Variants in HSPB6 observed in about 807,000 individuals in gnomAD.
HSPB6 encodes the protein heat shock protein beta-6.
A neutral mutation model predicts 10.7 loss-of-function variants in HSPB6; 8 were observed. The ratio of observed to expected loss-of-function variants is 0.75; its 90% CI spans 0.44 to 1.35. The LOEUF is 1.35. Among genes scored for constraint, HSPB6 ranks in the 40% most tolerant of loss-of-function variants. The pLI, the probability that HSPB6 is intolerant of heterozygous loss-of-function variation, is 0.00. For missense variants in HSPB6, 232 were observed against 236.0 expected (o/e 0.98, Z 0.11); for synonymous variants, 128 against 114.2 (o/e 1.12, Z -0.77).
In HSPB6 at chr19:35,755,186, T is replaced by C. The variant is rs1239860435; in HGVS notation, c.*336A>G. On this transcript the variant is annotated 3_prime_UTR_variant, in exon 3 of 3. Coordinates refer to ENST00000004982, the MANE Select transcript of HSPB6 (RefSeq NM_144617.3). ...TCTTTGTAGAGGACTCAGAAGGAAG[T>C]AGAGGAGGGGTCTTAAGTGGGGCTA... The C allele has an allele frequency of 1.5e-5, 7 of 468,748 alleles. No homozygotes were observed. The East Asian group carries it at 3.3e-4, about 22-fold the overall frequency. The allele number at this position is 468,748 out of a possible 1,614,324, so 29.0% of individuals were successfully genotyped here.
Position 35,757,018 on chromosome 19 carries a change from C to T in HSPB6, c.-10G>A, listed in dbSNP as rs576318092. 1.6e-5 allele frequency: 24 copies of T among 1,545,908 alleles called. No individual in the cohort carries two copies. The East Asian group carries it at 5.1e-4, about 33-fold the overall frequency. On this transcript the variant is annotated 5_prime_UTR_variant, in exon 1 of 3. Coordinates refer to ENST00000004982, the MANE Select transcript of HSPB6 (RefSeq NM_144617.3). Reference sequence around the variant, plus strand: ...GCACAGGGATCTCCATCCTGCTCCTCCGCGTTGCAGTGCCCCTGCGTGCGC... The same window carrying T: ...GCACAGGGATCTCCATCCTGCTCCTTCGCGTTGCAGTGCCCCTGCGTGCGC...
rs1599740617 is a variant in HSPB6, at chr19:35,756,962, G to T, written c.47C>A (p.Ser16Ter). The change falls in exon 1 of 3, where the codon TCG becomes TAG. Residue 16 changes from serine (S) to a stop codon, truncating the protein, a stop_gained. Transcript: ENST00000004982. LOFTEE classifies it high-confidence loss of function. ...CGCCGAAAGTCCGGGCAACGGGGCC[G>T]AGGCGCGGCGCAGCCAAGACGGCTG... is the stretch of plus-strand genomic sequence containing the variant. Reference protein sequence around the residue: ...PVQPSWLRRASAPLPGLSAPG... With the variant: ...PVQPSWLRRA The T allele has an allele frequency of 6.5e-7, 1 of 1,544,996 alleles. No homozygotes were observed. The highest frequency in any genetic ancestry group is 1.4e-5 in the African/African-American group (1 of 73,142).
chr19:35,754,617 G>C lies in HSPB6; in HGVS notation c.*905C>G. ...GGAGAGTAAGCCTGGGAAAGACTAA[G>C]GGAGTGGTGGCAGGGAGAAAGGCTG... is the stretch of plus-strand genomic sequence containing the variant. On this transcript the variant is annotated 3_prime_UTR_variant, in exon 3 of 3. Coordinates refer to ENST00000004982, the MANE Select transcript of HSPB6 (RefSeq NM_144617.3). The C allele has an allele frequency of 1.3e-6, 1 of 766,280 alleles. No individual in the cohort carries two copies. The highest frequency in any genetic ancestry group is 2.2e-6 in the Non-Finnish European group (1 of 455,222). 47.5% of individuals were successfully genotyped at this position (766,280 alleles called of 1,614,324 possible). A position where few individuals can be genotyped will look rare whatever the true frequency, so the allele number is the denominator to read the frequency against.
At chr19:35,756,194 C>T (rs1970751390) in intron 1 of HSPB6, among the ~76,000 whole-genome samples, 1 of 152,118 alleles carries the variant, frequency 6.6e-6, no homozygotes, top group South Asian at 2.1e-4. Flanking sequence ...CATCGTGCCC[C>T]CCAGGGCACT....
In HSPB6 at chr19:35,756,837, G is replaced by C; in HGVS notation, c.172C>G (p.Pro58Ala). Residue 58 changes from proline to alanine, a missense_variant, in exon 1 of 3, where the codon CCC becomes GCC. Physicochemically the swap from Pro to Ala is conservative, Grantham distance 27. Coordinates refer to ENST00000004982, the MANE Select transcript of HSPB6 (RefSeq NM_144617.3). ...TGGGCGACGGGCAGCGCCACGCTGGGTGCGCGCAGGTAGTAGGGGGCGAGC... is the reference window on the plus strand; with the variant it reads ...TGGGCGACGGGCAGCGCCACGCTGGCTGCGCGCAGGTAGTAGGGGGCGAGC... The part of the protein sequence containing the change: ...TTLAPYYLRA[P>A]SVALPVAQVP... 1 of 1,536,914 alleles carries C rather than the reference G, an allele frequency of 6.5e-7. No homozygotes were observed. Among genetic ancestry groups the C allele is most frequent in the Non-Finnish European group, 8.7e-7 (1 of 1,146,574 alleles).
Position 35,755,246 on chromosome 19 carries a change from G to A in HSPB6, c.*276C>T. 1.6e-6 allele frequency: 1 copy of A among 617,082 alleles called. No individual in the cohort carries two copies. Among genetic ancestry groups the A allele is most frequent in the Non-Finnish European group, 2.9e-6 (1 of 349,458 alleles). 38.2% of individuals were successfully genotyped at this position (617,082 alleles called of 1,614,324 possible). ...AAAGTGGGTCGGTGGGGCTGAGACT[G>A]TCGGCTGAGGGTTAGGGTAGTGCTG... On this transcript the variant is annotated 3_prime_UTR_variant, in exon 3 of 3. Transcript: ENST00000004982.
Position 35,755,812 on chromosome 19 carries a change from C to A in HSPB6, c.281G>T (p.Gly94Val). The A allele has an allele frequency of 6.3e-7, 1 of 1,596,948 alleles. No individual in the cohort carries two copies. The highest frequency in any genetic ancestry group is 2.3e-5 in the East Asian group (1 of 43,886). Residue 94 changes from glycine (G) to valine (V), a missense_variant, in exon 2 of 3, where the codon GGC (glycine) becomes GTC (valine). By Grantham distance (109) the Gly-to-Val change is moderately radical. Transcript: ENST00000004982. The part of the protein sequence containing the change: ...SPEEIAVKVV[G>V]EHVEVHARHE... ...GCGCGCGTGCACCTCCACGTGTTCG[C>A]CCACCACCTTGACAGCAATTTCCTC... is the stretch of plus-strand genomic sequence containing the variant.
chr19:35,757,012 G>C lies in HSPB6; in HGVS notation c.-4C>G, dbSNP rs1970774360. The C allele has an allele frequency of 6.5e-7, 1 of 1,545,910 alleles. No individual in the cohort carries two copies. The highest frequency in any genetic ancestry group is 1.2e-5 in the South Asian group (1 of 84,048). On this transcript the variant is annotated 5_prime_UTR_variant, in exon 1 of 3. Transcript: ENST00000004982. ...GCACAGGCACAGGGATCTCCATCCTGCTCCTCCGCGTTGCAGTGCCCCTGC... is the reference window on the plus strand; with the variant it reads ...GCACAGGCACAGGGATCTCCATCCTCCTCCTCCGCGTTGCAGTGCCCCTGC...
rs757458399 is a variant in HSPB6 at position 35,755,727 on chromosome 19, G to A, written c.322-44C>T. The A allele has an allele frequency of 5.2e-5, 80 of 1,527,954 alleles. No individual in the cohort carries two copies. In the African/African-American group the frequency reaches 1.1e-3, roughly 20 times the overall value. The allele number at this position is 1,527,954 out of a possible 1,614,324, so 94.6% of individuals were successfully genotyped here. On this transcript the variant is annotated intron_variant, in intron 2 of 2. Coordinates refer to ENST00000004982, the MANE Select transcript of HSPB6 (RefSeq NM_144617.3). ...TGAGCGGCCCCGCCCCTCCGGCCCG[G>A]CGGCGAGCGTACCCGCTCCAGCCCC...
Position 35,755,902 on chromosome 19 carries a change from C to A in HSPB6, c.199-8G>T. On this transcript the variant is annotated splice_region_variant and splice_polypyrimidine_tract_variant and intron_variant, in intron 1 of 2. Transcript: ENST00000004982. ...GCCGGGGTCCGTCGGCACCTGAGCG[C>A]AGCGGGCGCGGGCGGGACTGTCATT... 6.4e-7 allele frequency: 1 copy of A among 1,557,872 alleles called. No individual in the cohort carries two copies. Among genetic ancestry groups the A allele is most frequent in the Non-Finnish European group, 8.7e-7 (1 of 1,152,304 alleles).
At chr19:35,755,744 T>TC in intron 2 of HSPB6, 28 bp downstream of exon 2, 1 of 1,550,132 alleles carries the variant, frequency 6.5e-7, no homozygotes, top group South Asian at 1.2e-5. Flanking sequence ...GCGTACCCGC[T>TC]CCAGCCCCGC....
chr19:35,754,965 G>A lies in HSPB6; in HGVS notation c.*557C>T. The A allele has an allele frequency of 6.7e-6, 2 of 300,202 alleles. No homozygotes were observed. The highest frequency in any genetic ancestry group is 6.1e-5 in the South Asian group (2 of 32,838). 18.6% of individuals were successfully genotyped at this position (300,202 alleles called of 1,614,324 possible). On this transcript the variant is annotated 3_prime_UTR_variant, in exon 3 of 3. Transcript: ENST00000004982. ...AGAAAATGGGCTGGAGGGGGCAGTTGTAGACTGTCTGGTTGCAGGGGAAGG... is the reference window on the plus strand; with the variant it reads ...AGAAAATGGGCTGGAGGGGGCAGTTATAGACTGTCTGGTTGCAGGGGAAGG...
At position 35,755,279 on chromosome 19, in the gene HSPB6, C is replaced by T. The variant is rs906552073; in HGVS notation, c.*243G>A. 6.1e-6 allele frequency: 4 copies of T among 660,138 alleles called. No homozygotes were observed. The highest frequency in any genetic ancestry group is 5.4e-6 in the Non-Finnish European group (2 of 369,036). 40.9% of individuals were successfully genotyped at this position (660,138 alleles called of 1,614,324 possible). A position where few individuals can be genotyped will look rare whatever the true frequency, so the allele number is the denominator to read the frequency against. On this transcript the variant is annotated 3_prime_UTR_variant, in exon 3 of 3. Coordinates refer to ENST00000004982, the MANE Select transcript of HSPB6 (RefSeq NM_144617.3). ...AGGGTTAGGGTAGTGCTGGTAGGGT[C>T]TGGAAGCCGGGGAGTTGTCGGTGTG... is the stretch of plus-strand genomic sequence containing the variant.
chr19:35,755,278 T>C lies in HSPB6; in HGVS notation c.*244A>G. ...GAGGGTTAGGGTAGTGCTGGTAGGG[T>C]CTGGAAGCCGGGGAGTTGTCGGTGT... On this transcript the variant is annotated 3_prime_UTR_variant, in exon 3 of 3. Transcript: ENST00000004982. 1 of 659,054 alleles carries C rather than the reference T, an allele frequency of 1.5e-6. No homozygotes were observed. The highest frequency in any genetic ancestry group is 2.7e-6 in the Non-Finnish European group (1 of 368,304). The allele number at this position is 659,054 out of a possible 1,614,324, so 40.8% of individuals were successfully genotyped here.
At chr19:35,756,242 C>T (rs1230559105) in intron 1 of HSPB6, among the ~76,000 whole-genome samples, 1 of 152,112 alleles carries the variant, frequency 6.6e-6, no homozygotes, top group Non-Finnish European at 1.5e-5. Context: ...CGGGTCCCTT[C>T]TCCGCCAGCC....
chr19:35,755,621 A>G lies in HSPB6; in HGVS notation c.384T>C (p.Asp128=), dbSNP rs1599739030. 6.5e-7 allele frequency: 1 copy of G among 1,533,146 alleles called. No homozygotes were observed. The highest frequency in any genetic ancestry group is 1.2e-5 in the South Asian group (1 of 83,358). The allele number at this position is 1,533,146 out of a possible 1,614,324, so 95.0% of individuals were successfully genotyped here. A position where few individuals can be genotyped will look rare whatever the true frequency, so the allele number is the denominator to read the frequency against. ...HRRYRLPPGV[D]PAAVTSALSP... ...ACAGCGCGGACGTCACGGCAGCCGG[A>G]TCCACGCCAGGCGGCAGGCGGTAGC... Residue 128 remains aspartate (D), a synonymous_variant, in exon 3 of 3, where the codon GAT becomes GAC. Coordinates refer to ENST00000004982, the MANE Select transcript of HSPB6 (RefSeq NM_144617.3).
rs914298646 is a variant in HSPB6 at position 35,755,717 on chromosome 19, C to G, written c.322-34G>C. 5.9e-6 allele frequency: 9 copies of G among 1,525,170 alleles called. No homozygotes were observed. In the African/African-American group the frequency reaches 1.3e-4, roughly 22 times the overall value. 94.5% of individuals were successfully genotyped at this position (1,525,170 alleles called of 1,614,324 possible). A position where few individuals can be genotyped will look rare whatever the true frequency, so the allele number is the denominator to read the frequency against. On this transcript the variant is annotated intron_variant, in intron 2 of 2. Coordinates refer to ENST00000004982, the MANE Select transcript of HSPB6 (RefSeq NM_144617.3). ...GAGGGAGGCTTGAGCGGCCCCGCCC[C>G]TCCGGCCCGGCGGCGAGCGTACCCG...
At chr19:35,756,670 T>G (rs1970763757) in intron 1 of HSPB6, 141 bp downstream of exon 1, 1 of 834,710 alleles carries the variant, frequency 1.2e-6, no homozygotes, top group Non-Finnish European at 1.9e-6. Flanking sequence ...AGATTCCCAT[T>G]GACTCCGGAA....
rs1332960368 is a variant in HSPB6 at position 35,756,043 on chromosome 19, A to G, written c.199-149T>C. 4 of 1,143,882 alleles carry G rather than the reference A, an allele frequency of 3.5e-6. No individual in the cohort carries two copies. The African/African-American group carries it at 6.4e-5, about 18-fold the overall frequency. 70.9% of individuals were successfully genotyped at this position (1,143,882 alleles called of 1,614,324 possible). On this transcript the variant is annotated intron_variant, in intron 1 of 2. Coordinates refer to ENST00000004982, the MANE Select transcript of HSPB6 (RefSeq NM_144617.3). The stretch of plus-strand genomic sequence containing the variant: ...TCAGCTCTCCTACTGGGAGTCACCC[A>G]GGACCTCTTCACCCTGAACAACAGG...
Sources: gnomAD v4.1 joint callset for allele counts (sites outside exome capture counted in the v4.1 genomes callset) on GRCh38, gnomAD v4.1.1 for gene constraint, MANE v1.5 for transcripts, NCBI Gene and HGNC (gene_info 2026-07-23, HGNC 2026-07-21) for gene names.